The following PDZD2 variants were observed in gnomAD, a reference collection of about 807,000 sequenced individuals.
PDZD2 encodes the protein PDZ domain containing 2.
A neutral mutation model predicts 220.7 loss-of-function variants in PDZD2; 90 were observed. The ratio of observed to expected loss-of-function variants is 0.41; its 90% CI spans 0.34 to 0.49. The LOEUF (loss-of-function observed/expected upper bound fraction) is 0.49. Among genes scored for constraint, PDZD2 ranks in the 20% least tolerant of loss-of-function variants. PDZD2 has a pLI of 0.28. For synonymous variants in PDZD2, 1,375 were observed against 1,450.5 expected, an observed-to-expected ratio of 0.95 and a Z score of 1.18; for missense variants, 3,174 against 3,608.5, an observed-to-expected ratio of 0.88 and a Z score of 3.08.
rs147802513 is a variant in PDZD2, at chr5:32,063,027, A to ATATTATTATTATTATTATTAT, written c.2451+1907_2451+1927dup. Reference sequence around the variant, plus strand: ...CATATAGTCTTCTGTTGAGAATGAAATATTATTATTATTATTATTATTATT... The same window carrying ATATTATTATTATTATTATTAT: ...CATATAGTCTTCTGTTGAGAATGAAATATTATTATTATTATTATTATTATTATTATTATTATTATTATTATT... On this transcript the variant is annotated intron_variant, in intron 14 of 24. Coordinates refer to ENST00000438447, the MANE Select transcript of PDZD2 (RefSeq NM_178140.4). Among the ~76,000 whole-genome samples, 631 of 142,318 alleles carry ATATTATTATTATTATTATTAT rather than the reference A, an allele frequency of 4.4e-3. 1 individual carries two copies. Among genetic ancestry groups the ATATTATTATTATTATTATTAT allele is most frequent in the East Asian group, 0.011 (55 of 4,818 alleles). The allele number at this position is 142,318 out of a possible 152,430, so 93.4% of individuals were successfully genotyped here. A position where few individuals can be genotyped will look rare whatever the true frequency, so the allele number is the denominator to read the frequency against.
At chr5:32,086,395 G>A (rs1174370232) in intron 19 of PDZD2, among the ~76,000 whole-genome samples, 1 of 152,174 alleles carries the variant, frequency 6.6e-6, no homozygotes. Context: ...ATGGCATAAA[G>A]AGACCCAAGT....
chr5:31,652,943 C>G (rs1178127487), intron 1 of PDZD2, among the ~76,000 whole-genome samples: 1 of 151,834 alleles, frequency 6.6e-6, no homozygotes, highest in African/African-American at 2.4e-5. Context: ...ACCTGGGAGG[C>G]GGAGGTTTCA....
chr5:32,075,361 G>T (rs1032890486), intron 18 of PDZD2, among the ~76,000 whole-genome samples: 1 of 152,134 alleles, frequency 6.6e-6, no homozygotes, highest in African/African-American at 2.4e-5. Flanking sequence ...TCTCTGCCTT[G>T]GTCATCTCAC....
chr5:32,098,458 G>C lies in PDZD2; in HGVS notation c.8042G>C (p.Gly2681Ala), dbSNP rs1382164541. 4.3e-6 allele frequency: 7 copies of C among 1,614,032 alleles called. No individual in the cohort carries two copies. The highest frequency in any genetic ancestry group is 5.1e-6 in the Non-Finnish European group (6 of 1,180,028). The change falls in exon 23 of 25, where the codon GGC becomes GCC. Residue 2681 changes from glycine (G) to alanine (A), a missense_variant. Gly to Ala is a moderately conservative substitution (Grantham distance 60). Transcript: ENST00000438447. This position sits in a 1 kb window ranked among gnomAD's most constrained non-coding sequence, Gnocchi z 4.1. ...LLSVNGASLA[G>A]LAHGNVLKVL... ...TCAGTCAACGGCGCCTCACTGGCTG[G>C]CTTAGCCCACGGGAATGTCCTGAAG... is the stretch of plus-strand genomic sequence containing the variant.
chr5:31,872,142 GGTGTGTGTGTGT>G (rs55806241), intron 2 of PDZD2, among the ~76,000 whole-genome samples: 7 of 147,778 alleles, frequency 4.7e-5, no homozygotes, highest in Admixed American at 2.0e-4. Flanking sequence ...TAAGGTGAGT[GGTGTGTGTGTGT>G]GTGTGTGTGT....
At chr5:31,781,525 C>T (rs1162352911) in intron 1 of PDZD2, among the ~76,000 whole-genome samples, 1 of 152,196 alleles carries the variant, frequency 6.6e-6, no homozygotes, top group Admixed American at 6.5e-5. Context: ...TTGTGAGCAT[C>T]TCTTAGAAGT....
At chr5:31,661,108 A>G (rs1302070857) in intron 1 of PDZD2, among the ~76,000 whole-genome samples, 1 of 152,200 alleles carries the variant, frequency 6.6e-6, no homozygotes, top group East Asian at 1.9e-4. Flanking sequence ...AGGCTTGGAA[A>G]GAAACAAATG....
rs540555790 is a variant in PDZD2 at position 31,646,844 on chromosome 5, G to A, written c.-361+7407G>A. On this transcript the variant is annotated intron_variant, in intron 1 of 24. Coordinates refer to ENST00000438447, the MANE Select transcript of PDZD2 (RefSeq NM_178140.4). The surrounding 1 kb of genome is among the most constrained non-coding windows in gnomAD (Gnocchi z 4.7). ...CCTTAATTCCCAGTATCATTAGGCC[G>A]AAAGAAGGGACAGCTGTCTCCAGAA... 1.1e-4 allele frequency among the ~76,000 whole-genome samples: 16 copies of A among 152,228 alleles called. No homozygotes were observed. Among genetic ancestry groups the A allele is most frequent in the East Asian group, 3.9e-4 (2 of 5,180 alleles).
At chr5:32,080,069 C>G (rs1741764818) in intron 19 of PDZD2, among the ~76,000 whole-genome samples, 1 of 151,996 alleles carries the variant, frequency 6.6e-6, no homozygotes, top group Admixed American at 6.6e-5. Context: ...TTCTATTTGG[C>G]CGGGCGCAGT....
chr5:31,907,862 A>C (rs1288951963), intron 2 of PDZD2, among the ~76,000 whole-genome samples: 2 of 152,076 alleles, frequency 1.3e-5, no homozygotes, highest in Non-Finnish European at 2.9e-5. Context: ...AGGCGGGCAG[A>C]TTACGAAGTC....
chr5:32,074,295 A>G lies in PDZD2; in HGVS notation c.3189A>G (p.Ala1063=). 4.3e-6 allele frequency: 7 copies of G among 1,614,194 alleles called. No homozygotes were observed. Among genetic ancestry groups the G allele is most frequent in the Non-Finnish European group, 5.1e-6 (6 of 1,180,014 alleles). ...ATGCAGCCAACCTCACGGACTCTGCAGAGGCCCCCAAGGGGAGCCCTGGAA... is the reference window on the plus strand; with the variant it reads ...ATGCAGCCAACCTCACGGACTCTGCGGAGGCCCCCAAGGGGAGCCCTGGAA... The part of the protein sequence containing the change: ...ASYAANLTDS[A]EAPKGSPGSW... The change falls in exon 18 of 25, where the codon GCA becomes GCG. Residue 1063 remains alanine (A), a synonymous_variant. Transcript: ENST00000438447.
chr5:32,055,368 A>C (rs1738998579), intron 10 of PDZD2, among the ~76,000 whole-genome samples: 1 of 151,744 alleles, frequency 6.6e-6, no homozygotes, highest in Admixed American at 6.6e-5. Context: ...TGCCCAGCTA[A>C]ATTTTTTTTT....
In PDZD2 at chr5:31,639,196, C is replaced by A. The variant is rs1024338062; in HGVS notation, c.-602C>A. The stretch of plus-strand genomic sequence containing the variant: ...ACCCCAGCGCCGGTGCGTGCCGGCC[C>A]CGGGCAGCGGGACGCGGCGGGGCGG... On this transcript the variant is annotated 5_prime_UTR_variant, in exon 1 of 25. Coordinates refer to ENST00000438447, the MANE Select transcript of PDZD2 (RefSeq NM_178140.4). This position sits in a 1 kb window ranked among gnomAD's most constrained non-coding sequence, Gnocchi z 4.1. 6.6e-6 allele frequency among the ~76,000 whole-genome samples: 1 copy of A among 151,882 alleles called. No individual in the cohort carries two copies. The highest frequency in any genetic ancestry group is 1.5e-5 in the Non-Finnish European group (1 of 67,906).
intron 1 of PDZD2, among the ~76,000 whole-genome samples, chr5:31,691,311 T>C (rs1181526145): frequency 2.6e-5 from 4 of 152,200 alleles, no homozygotes; most frequent in Admixed American, 1.3e-4. Flanking sequence ...CTGCAGACCT[T>C]CGCGGTGAGT....
At chr5:32,076,568 C>T (rs1741321313) in intron 18 of PDZD2, among the ~76,000 whole-genome samples, 1 of 151,978 alleles carries the variant, frequency 6.6e-6, no homozygotes, top group African/African-American at 2.4e-5. Flanking sequence ...AAGAAAAAAC[C>T]TTCCTCTTTT....
Position 32,048,775 on chromosome 5 carries a change from G to A in PDZD2, c.1665+91G>A. 7 of 1,329,334 alleles carry A rather than the reference G, an allele frequency of 5.3e-6. No homozygotes were observed. In the South Asian group the frequency reaches 6.6e-5, roughly 12 times the overall value. The allele number at this position is 1,329,334 out of a possible 1,614,324, so 82.3% of individuals were successfully genotyped here. On this transcript the variant is annotated intron_variant, in intron 8 of 24. Transcript: ENST00000438447. ...TCCATACAGGCCAGGAGTGTCTGGG[G>A]CTAGAGAAGTGGGATAGAGAGAGAC...
intron 2 of PDZD2, among the ~76,000 whole-genome samples, chr5:31,909,596 C>T (rs930206843): frequency 3.3e-5 from 5 of 152,064 alleles, no homozygotes; most frequent in African/African-American, 9.7e-5. Context: ...CATTAATATA[C>T]ACGAAATACT....
At chr5:31,644,515 G>A (rs1464288256) in intron 1 of PDZD2, among the ~76,000 whole-genome samples, 2 of 152,160 alleles carry the variant, frequency 1.3e-5, no homozygotes, top group African/African-American at 4.8e-5. Flanking sequence ...CTGATAAGGC[G>A]GCTGAGCCGA....
chr5:31,641,510 A>G (rs1368848925), intron 1 of PDZD2, among the ~76,000 whole-genome samples: 2 of 151,892 alleles, frequency 1.3e-5, no homozygotes, highest in African/African-American at 4.8e-5. Flanking sequence ...GACTCAGAGG[A>G]ACTTAGTTCT....
Sources: allele counts gnomAD v4.1 joint callset (sites outside exome capture counted in the v4.1 genomes callset), GRCh38; gene constraint gnomAD v4.1.1; non-coding constraint Gnocchi (gnomAD v3.1); transcripts MANE v1.5; gene names NCBI Gene and HGNC (gene_info 2026-07-23, HGNC 2026-07-21).